The following DMXL2 variants were observed in gnomAD, a reference collection of about 807,000 sequenced individuals.
DMXL2 encodes Dmx like 2.
In DMXL2, 103 loss-of-function variants were observed where a neutral mutation model predicts 331.1. The ratio of observed to expected loss-of-function variants is 0.31; its 90% CI spans 0.27 to 0.37. DMXL2 has a LOEUF of 0.37. Ranked by LOEUF, DMXL2 falls within the 10% of genes least tolerant of loss-of-function variation. The pLI is 1.00. For synonymous variants in DMXL2, 1,281 were observed against 1,252.1 expected, an observed-to-expected ratio of 1.02 and a Z score of -0.49; for missense variants, 3,171 against 3,642.9, an observed-to-expected ratio of 0.87 and a Z score of 3.33.
intron 29 of DMXL2, among the ~76,000 whole-genome samples, chr15:51,470,720 C>T (rs948539228): frequency 2.6e-5 from 4 of 152,152 alleles, no homozygotes; most frequent in African/African-American, 9.7e-5. Flanking sequence ...AGCATGCACC[C>T]AGCATGGTAT....
intron 1 of DMXL2, among the ~76,000 whole-genome samples, chr15:51,580,610 G>A (rs2051342604): frequency 6.6e-6 from 1 of 152,106 alleles, no homozygotes; most frequent in Non-Finnish European, 1.5e-5. Context: ...CAAGGATATG[G>A]CTCAGCCCCT....
intron 19 of DMXL2, among the ~76,000 whole-genome samples, chr15:51,493,720 C>A (rs954802001): frequency 2.0e-5 from 3 of 152,084 alleles, no homozygotes; most frequent in African/African-American, 7.2e-5. Flanking sequence ...TTTTAGACTG[C>A]CCTAGGAAAT....
intron 13 of DMXL2, among the ~76,000 whole-genome samples, chr15:51,520,493 G>T (rs1376646826): frequency 6.6e-6 from 1 of 152,138 alleles, no homozygotes; most frequent in Non-Finnish European, 1.5e-5. Flanking sequence ...GTATGGGCTT[G>T]CTAATGGGAA....
intron 1 of DMXL2, among the ~76,000 whole-genome samples, chr15:51,600,338 C>T (rs566109592): frequency 6.6e-6 from 1 of 152,272 alleles, no homozygotes; most frequent in South Asian, 2.1e-4. Context: ...CCAAACCCTG[C>T]ACAGATATGC....
intron 1 of DMXL2, among the ~76,000 whole-genome samples, chr15:51,599,523 T>A (rs1215483260): frequency 6.6e-6 from 1 of 152,238 alleles, no homozygotes; most frequent in African/African-American, 2.4e-5. Context: ...CATATCTCTA[T>A]ACCTATACAT....
In DMXL2 at chr15:51,537,501, A is replaced by T. The variant is rs753196804; in HGVS notation, c.1604T>A (p.Phe535Tyr). 1 of 1,611,342 alleles carries T rather than the reference A, an allele frequency of 6.2e-7. No homozygotes were observed. Among genetic ancestry groups the T allele is most frequent in the East Asian group, 2.2e-5 (1 of 44,812 alleles). The change falls in exon 11 of 44, where the codon TTT becomes TAT. Residue 535 changes from phenylalanine to tyrosine, a missense_variant. Around this residue, in one of 7 missense-constraint regions of DMXL2, gnomAD observed 1,674 missense variants for 1,780.2 expected, o/e 0.94. Transcript: ENST00000560891. ...KYLDEYNPGI[F>Y]RQVQVSFSSR... is the part of the protein sequence containing the mutation. ...AATAAAATATACCTGAACTTGTCTA[A>T]ATATTCCAGGATTATATTCATCCAA... is the stretch of plus-strand genomic sequence containing the variant.
intron 17 of DMXL2, among the ~76,000 whole-genome samples, chr15:51,502,359 C>T (rs117792469): frequency 0.012 from 1,742 of 143,180 alleles, 27 homozygotes; most frequent in East Asian, 0.028. Context: ...CACTGTGTCG[C>T]CCGCCCAGGC....
intron 29 of DMXL2, among the ~76,000 whole-genome samples, chr15:51,466,825 TA>T (rs1164161696): frequency 6.6e-6 from 1 of 152,032 alleles, no homozygotes; most frequent in African/African-American, 2.4e-5. Context: ...TTTGGAACTT[TA>T]AAATGATTCT....
chr15:51,563,445 G>T lies in DMXL2; in HGVS notation c.503C>A (p.Thr168Asn). 2 of 1,601,806 alleles carry T rather than the reference G, an allele frequency of 1.2e-6. No individual in the cohort carries two copies. The highest frequency in any genetic ancestry group is 1.7e-6 in the Non-Finnish European group (2 of 1,174,996). The change falls in exon 6 of 44, where the codon ACC (threonine) becomes AAC (asparagine). Residue 168 changes from threonine (T) to asparagine (N), a missense_variant and splice_region_variant. By Grantham distance (65) the Thr-to-Asn change is moderately conservative. Transcript: ENST00000560891. ...NDWKCVWQCK[T>N]SVSVHLMEWS... The stretch of plus-strand genomic sequence containing the variant: ...TTCCATCAAATGTACAGATACTGAG[G>T]TTCTAAAAAAGAGAGAGTTAGGCAA...
rs2038845349 is a variant in DMXL2 at position 51,448,213 on chromosome 15, A to C, written c.*771T>G. ...CATATCCTTAAATGTTTGGGTGTTT[A>C]ACCTTGAATACACGAAAAGAAAAAG... On this transcript the variant is annotated 3_prime_UTR_variant, in exon 44 of 44. Transcript: ENST00000560891. 6.5e-6 allele frequency: 1 copy of C among 152,680 alleles called. No homozygotes were observed. The highest frequency in any genetic ancestry group is 1.5e-5 in the Non-Finnish European group (1 of 68,042). The allele number at this position is 152,680 out of a possible 1,614,324, so 9.5% of individuals were successfully genotyped here. A position where few individuals can be genotyped will look rare whatever the true frequency, so the allele number is the denominator to read the frequency against.
intron 1 of DMXL2, among the ~76,000 whole-genome samples, chr15:51,598,255 C>T (rs1211550248): frequency 6.6e-6 from 1 of 152,058 alleles, no homozygotes; most frequent in African/African-American, 2.4e-5. Flanking sequence ...TCCTGTATAC[C>T]ACATTCCCCA....
chr15:51,466,985 T>C (rs947870580), intron 29 of DMXL2, among the ~76,000 whole-genome samples: 2 of 151,914 alleles, frequency 1.3e-5, no homozygotes, highest in African/African-American at 4.8e-5. Context: ...ATCATACACG[T>C]ATAAGAAGTT....
chr15:51,551,789 T>C (rs2049238460), intron 6 of DMXL2, among the ~76,000 whole-genome samples: 1 of 152,202 alleles, frequency 6.6e-6, no homozygotes, highest in Non-Finnish European at 1.5e-5. Context: ...ATAAAATACA[T>C]TTCCTAATCC....
chr15:51,458,782 A>G lies in DMXL2; in HGVS notation c.8003T>C (p.Leu2668Pro), dbSNP rs141888813. 1 of 1,613,984 alleles carries G rather than the reference A, an allele frequency of 6.2e-7. No homozygotes were observed. The highest frequency in any genetic ancestry group is 1.3e-5 in the African/African-American group (1 of 75,038). Residue 2668 changes from leucine to proline, a missense_variant, in exon 35 of 44, where the codon CTG becomes CCG. Leu to Pro is a moderately conservative substitution (Grantham distance 98). Transcript: ENST00000560891. Reference sequence around the variant, plus strand: ...TTTCGCCTTTCCACCTGGATAGCCCAGATCAGCTTCAACCTAGAAAACATT... The same window carrying G: ...TTTCGCCTTTCCACCTGGATAGCCCGGATCAGCTTCAACCTAGAAAACATT... ...EDCHIKVEAD[L>P]GYPGGKAKVI...
At chr15:51,557,605 G>C (rs980215417) in intron 6 of DMXL2, among the ~76,000 whole-genome samples, 2 of 151,992 alleles carry the variant, frequency 1.3e-5, no homozygotes, top group African/African-American at 4.8e-5. Flanking sequence ...AAGAGGGGAG[G>C]ACTTGCCCTA....
intron 33 of DMXL2, 84 bp downstream of exon 33, chr15:51,463,295 A>G: frequency 2.4e-6 from 2 of 844,194 alleles, no homozygotes; most frequent in Non-Finnish European, 3.7e-6. Context: ...AGAAAATTTC[A>G]GAATAAATCA....
At chr15:51,508,084 G>A (rs2046519439) in intron 15 of DMXL2, among the ~76,000 whole-genome samples, 1 of 152,052 alleles carries the variant, frequency 6.6e-6, no homozygotes, top group African/African-American at 2.4e-5. Context: ...AGAAGAAACA[G>A]TCTGGCACCG....
intron 6 of DMXL2, among the ~76,000 whole-genome samples, chr15:51,562,013 A>C (rs891900310): frequency 2.6e-5 from 4 of 152,246 alleles, no homozygotes; most frequent in Non-Finnish European, 5.9e-5. Flanking sequence ...AATTGGTACA[A>C]ATACACAGTT....
chr15:51,560,428 A>G (rs965347637), intron 6 of DMXL2, among the ~76,000 whole-genome samples: 1 of 149,438 alleles, frequency 6.7e-6, no homozygotes, highest in Non-Finnish European at 1.5e-5. Context: ...TTGAAGAAAA[A>G]TTTTTTTAAT....
Sources: allele counts gnomAD v4.1 joint callset (sites outside exome capture counted in the v4.1 genomes callset), GRCh38; gene constraint gnomAD v4.1.1; regional missense constraint gnomAD v4.1.1; transcripts MANE v1.5; gene names NCBI Gene and HGNC (gene_info 2026-07-23, HGNC 2026-07-21).